The following CDH9 variants were observed in gnomAD, a reference collection of about 807,000 sequenced individuals.
CDH9 encodes cadherin-9.
A neutral mutation model predicts 70.9 loss-of-function variants in CDH9; 28 were observed. That is an observed-to-expected ratio of 0.40 (90% CI 0.29 to 0.54). The LOEUF (loss-of-function observed/expected upper bound fraction) is 0.54. Among genes scored for constraint, CDH9 ranks in the 20% least tolerant of loss-of-function variants. The pLI is 0.59. For missense variants in CDH9, 874 were observed against 984.4 expected (o/e 0.89, Z 1.50); for synonymous variants, 409 against 343.1 (o/e 1.19, Z -2.12).
At chr5:26,959,093 T>C (rs1741991772) in intron 2 of CDH9, among the ~76,000 whole-genome samples, 1 of 152,146 alleles carries the variant, frequency 6.6e-6, no homozygotes, top group Admixed American at 6.5e-5. Context: ...AAGAATTATT[T>C]GCAAAACATA....
At chr5:26,891,963 G>T (rs1740667766) in intron 7 of CDH9, among the ~76,000 whole-genome samples, 1 of 152,042 alleles carries the variant, frequency 6.6e-6, no homozygotes, top group African/African-American at 2.4e-5. Flanking sequence ...AATGATCAAG[G>T]AAGCAATTCC....
At chr5:26,937,375 A>T (rs1741577461) in intron 2 of CDH9, among the ~76,000 whole-genome samples, 1 of 152,144 alleles carries the variant, frequency 6.6e-6, no homozygotes, top group South Asian at 2.1e-4. Context: ...ATTAAATGCC[A>T]GTAAGGATTT....
chr5:26,969,021 C>A (rs1416006248), intron 2 of CDH9, among the ~76,000 whole-genome samples: 1 of 152,136 alleles, frequency 6.6e-6, no homozygotes, highest in African/African-American at 2.4e-5. Context: ...AAATCCCTTG[C>A]ACTTTTCTTT....
At chr5:26,955,899 C>T (rs1741938655) in intron 2 of CDH9, among the ~76,000 whole-genome samples, 1 of 152,194 alleles carries the variant, frequency 6.6e-6, no homozygotes, top group South Asian at 2.1e-4. Flanking sequence ...TGCAAATTCA[C>T]ACCAATGTGA....
In CDH9 at chr5:26,988,292, A is replaced by G; in HGVS notation, c.42T>C (p.Tyr14=). Residue 14 remains tyrosine, a synonymous_variant, in exon 2 of 12, where the codon TAT becomes TAC. Transcript: ENST00000231021. ...YHYIPLFIWT[Y]MFHTVDTILL... ...GGATGGTGTCAACTGTATGGAACATATAGGTCCAGATGAATAATGGTATAT... is the reference window on the plus strand; with the variant it reads ...GGATGGTGTCAACTGTATGGAACATGTAGGTCCAGATGAATAATGGTATAT... 6.2e-7 allele frequency: 1 copy of G among 1,613,282 alleles called. No homozygotes were observed. Among genetic ancestry groups the G allele is most frequent in the Non-Finnish European group, 8.5e-7 (1 of 1,179,422 alleles).
At chr5:27,008,234 G>A (rs1579509832) in intron 1 of CDH9, among the ~76,000 whole-genome samples, 1 of 152,058 alleles carries the variant, frequency 6.6e-6, no homozygotes, top group Non-Finnish European at 1.5e-5. Context: ...GGTGGCTCAC[G>A]CCTGTAATCC....
At chr5:27,011,245 T>A (rs1742950103) in intron 1 of CDH9, among the ~76,000 whole-genome samples, 1 of 152,096 alleles carries the variant, frequency 6.6e-6, no homozygotes, top group South Asian at 2.1e-4. Flanking sequence ...AAGATATATT[T>A]AAGTCCCAAC....
intron 2 of CDH9, among the ~76,000 whole-genome samples, chr5:26,936,655 A>T (rs1741563537): frequency 1.3e-5 from 2 of 152,186 alleles, no homozygotes; most frequent in African/African-American, 4.8e-5. Context: ...CTATAAAAAT[A>T]CAGTAATCAA....
intron 2 of CDH9, among the ~76,000 whole-genome samples, chr5:26,946,284 C>T (rs1741751681): frequency 6.6e-6 from 1 of 152,070 alleles, no homozygotes; most frequent in Non-Finnish European, 1.5e-5. Flanking sequence ...TTCCTGATTC[C>T]TCTGCATTCT....
chr5:27,010,517 T>C (rs1189713162), intron 1 of CDH9, among the ~76,000 whole-genome samples: 3 of 152,146 alleles, frequency 2.0e-5, no homozygotes, highest in Admixed American at 1.3e-4. Flanking sequence ...TTTCTTACAG[T>C]ACTTTGAAAA....
At position 27,035,701 on chromosome 5, in the gene CDH9, TGTGTGTGTGG is replaced by T. The variant is rs1403716786; in HGVS notation, c.-50+2752_-50+2761del. Among the ~76,000 whole-genome samples the T allele has an allele frequency of 2.4e-3, 294 of 121,596 alleles. 1 individual carries two copies. The highest frequency in any genetic ancestry group is 7.7e-3 in the African/African-American group (268 of 34,600). 79.8% of individuals were successfully genotyped at this position (121,596 alleles called of 152,430 possible). The stretch of plus-strand genomic sequence containing the variant: ...GTGTGTGTGTGTGTGTGTGTGTGTG[TGTGTGTGTGG>T]GTGTGTGTGGGTGTGTGTGTATGTG... On this transcript the variant is annotated intron_variant, in intron 1 of 11. Transcript: ENST00000231021.
chr5:26,890,061 T>C (rs749860585), intron 8 of CDH9, 104 bp from the exon 9 acceptor site: 206 of 1,020,794 alleles, frequency 2.0e-4, no homozygotes, highest in Non-Finnish European at 2.8e-4. Flanking sequence ...TGGTGTTCAC[T>C]TTCTCAATTG....
intron 1 of CDH9, among the ~76,000 whole-genome samples, chr5:27,023,194 G>A (rs1002976731): frequency 6.6e-6 from 1 of 151,924 alleles, no homozygotes; most frequent in African/African-American, 2.4e-5. Flanking sequence ...TAATGTATAT[G>A]GTGGAGTGTA....
At chr5:26,884,649 C>G (rs543243812) in intron 11 of CDH9, among the ~76,000 whole-genome samples, 1 of 152,264 alleles carries the variant, frequency 6.6e-6, no homozygotes, top group South Asian at 2.1e-4. Flanking sequence ...CAATCCCCTA[C>G]TGAAGTCCTG....
intron 1 of CDH9, among the ~76,000 whole-genome samples, chr5:27,029,867 C>A (rs1182507881): frequency 1.3e-5 from 2 of 151,882 alleles, no homozygotes; most frequent in Admixed American, 6.6e-5. Flanking sequence ...ATAAGATGGG[C>A]TGACATCGCT....
chr5:26,944,962 CTG>C (rs2112039828), intron 2 of CDH9, among the ~76,000 whole-genome samples: 1 of 44,540 alleles, frequency 2.2e-5, no homozygotes, highest in South Asian at 3.6e-3. Context: ...TAGTAGAACT[CTG>C]AGTGAAACTA....
intron 1 of CDH9, among the ~76,000 whole-genome samples, chr5:27,003,410 T>A (rs1349330222): frequency 6.6e-6 from 1 of 152,052 alleles, no homozygotes; most frequent in East Asian, 1.9e-4. Flanking sequence ...ACAGAGTAAT[T>A]TCCTTCCAAA....
chr5:26,981,950 A>G (rs1742406919), intron 2 of CDH9, among the ~76,000 whole-genome samples: 1 of 152,046 alleles, frequency 6.6e-6, no homozygotes, highest in African/African-American at 2.4e-5. Flanking sequence ...TGACATCATC[A>G]TCATCATCAT....
At chr5:26,898,188 GA>G (rs1251909710) in intron 7 of CDH9, among the ~76,000 whole-genome samples, 1 of 152,024 alleles carries the variant, frequency 6.6e-6, no homozygotes, top group Non-Finnish European at 1.5e-5. Context: ...ACAAACAAAG[GA>G]AAAAACGTTC....
Sources: allele counts gnomAD v4.1 joint callset (sites outside exome capture counted in the v4.1 genomes callset), GRCh38; gene constraint gnomAD v4.1.1; transcripts MANE v1.5; gene names NCBI Gene and HGNC (gene_info 2026-07-23, HGNC 2026-07-21).